Variants in GUCY1A2 observed in about 807,000 individuals in gnomAD.
GUCY1A2 encodes guanylate cyclase soluble subunit alpha-2.
Under a neutral mutation model 63.5 loss-of-function variants are expected in GUCY1A2, and 27 were observed. That is an observed-to-expected ratio of 0.43 (90% confidence interval 0.31 to 0.59). The LOEUF is 0.59. Among genes scored for constraint, GUCY1A2 ranks in the 20% least tolerant of loss-of-function variants. GUCY1A2 has a pLI of 0.11. For missense variants in GUCY1A2, 768 were observed against 913.3 expected (o/e 0.84, Z 2.05); for synonymous variants, 364 against 343.5 (o/e 1.06, Z -0.66).
In GUCY1A2 at chr11:107,017,761, C is replaced by T; in HGVS notation, c.295G>A (p.Ala99Thr). The change falls in exon 1 of 8, where the codon GCG (alanine) becomes ACG (threonine). Residue 99 changes from alanine (A) to threonine (T), a missense_variant. By Grantham distance (58) the Ala-to-Thr change is moderately conservative. Around this residue, in one of 3 missense-constraint regions of GUCY1A2, gnomAD observed 496 missense variants for 486.9 expected, o/e 1.02. Transcript: ENST00000526355. ...SLGESISRLT[A>T]PSPQTIQQTL... Reference sequence around the variant, plus strand: ...TTCCGCCCCCCGCTCACCGAGGGCGCCGTCAGGCGGCTGATGCTCTCGCCC... The same window carrying T: ...TTCCGCCCCCCGCTCACCGAGGGCGTCGTCAGGCGGCTGATGCTCTCGCCC... The T allele has an allele frequency of 7.1e-7, 1 of 1,414,988 alleles. No homozygotes were observed. 87.7% of individuals were successfully genotyped at this position (1,414,988 alleles called of 1,614,324 possible). A position where few individuals can be genotyped will look rare whatever the true frequency, so the allele number is the denominator to read the frequency against.
intron 6 of GUCY1A2, among the ~76,000 whole-genome samples, chr11:106,713,084 G>A (rs1863149772): frequency 6.6e-6 from 1 of 152,108 alleles, no homozygotes. Context: ...GGTATCTCCT[G>A]GTTTGCCCCT....
At chr11:106,877,072 G>T (rs1213697629) in intron 4 of GUCY1A2, among the ~76,000 whole-genome samples, 1 of 152,046 alleles carries the variant, frequency 6.6e-6, no homozygotes, top group East Asian at 1.9e-4. Context: ...GTAAGCAAAG[G>T]ACACAAGCAG....
intron 1 of GUCY1A2, among the ~76,000 whole-genome samples, chr11:107,015,813 C>T (rs1056262112): frequency 5.9e-5 from 9 of 152,004 alleles, no homozygotes; most frequent in African/African-American, 1.4e-4. Flanking sequence ...TATAAAATTA[C>T]GCTGCCTGGG....
intron 7 of GUCY1A2, among the ~76,000 whole-genome samples, chr11:106,693,836 A>ATTAATCATC (rs770733956): frequency 8.2e-4 from 125 of 152,144 alleles, no homozygotes; most frequent in Non-Finnish European, 1.6e-3. Flanking sequence ...CTATGAGAAT[A>ATTAATCATC]TTAATCATCT....
At chr11:106,771,362 C>A (rs1404801534) in intron 6 of GUCY1A2, among the ~76,000 whole-genome samples, 1 of 152,190 alleles carries the variant, frequency 6.6e-6, no homozygotes, top group African/African-American at 2.4e-5. Context: ...TAAAGTAATA[C>A]ATTTCTCTGG....
chr11:106,828,331 G>C (rs1182580743), intron 4 of GUCY1A2, among the ~76,000 whole-genome samples: 2 of 151,768 alleles, frequency 1.3e-5, no homozygotes, highest in African/African-American at 4.8e-5. Context: ...ATAGTTGCAA[G>C]TATTATGTTT....
chr11:106,716,457 G>A (rs1863215035), intron 6 of GUCY1A2, among the ~76,000 whole-genome samples: 1 of 152,028 alleles, frequency 6.6e-6, no homozygotes, highest in Non-Finnish European at 1.5e-5. Flanking sequence ...ACTACTTAAC[G>A]GTGGTAGAAA....
chr11:106,936,705 T>G, intron 4 of GUCY1A2: 2 of 1,497,994 alleles, frequency 1.3e-6, no homozygotes, highest in Middle Eastern at 3.4e-4. Context: ...CTCGGTGACA[T>G]GCTTGCTCTT....
chr11:106,694,301 G>T (rs1862677681), intron 7 of GUCY1A2, among the ~76,000 whole-genome samples: 1 of 152,090 alleles, frequency 6.6e-6, no homozygotes, highest in Non-Finnish European at 1.5e-5. Flanking sequence ...CAATGTCTCA[G>T]GAGAACAAAC....
rs1409740627 is a variant in GUCY1A2 at position 106,677,343 on chromosome 11, G to A, written c.*10206C>T. ...CACATTCATCAAGAATTTTATTCATGAACACCAAACTCAACTGATTCAAGC... is the reference window on the plus strand; with the variant it reads ...CACATTCATCAAGAATTTTATTCATAAACACCAAACTCAACTGATTCAAGC... On this transcript the variant is annotated 3_prime_UTR_variant, in exon 8 of 8. Transcript: ENST00000526355. 2 of 214,150 alleles carry A rather than the reference G, an allele frequency of 9.3e-6. No individual in the cohort carries two copies. The highest frequency in any genetic ancestry group is 1.9e-5 in the Non-Finnish European group (2 of 105,850). 13.3% of individuals were successfully genotyped at this position (214,150 alleles called of 1,614,324 possible). A position where few individuals can be genotyped will look rare whatever the true frequency, so the allele number is the denominator to read the frequency against.
At chr11:107,008,821 A>T (rs1257126836) in intron 1 of GUCY1A2, among the ~76,000 whole-genome samples, 1 of 152,190 alleles carries the variant, frequency 6.6e-6, no homozygotes, top group Non-Finnish European at 1.5e-5. Context: ...CAGTCAGAAA[A>T]ACCATCCTCT....
At chr11:106,796,764 C>A (rs1404782337) in intron 5 of GUCY1A2, among the ~76,000 whole-genome samples, 2 of 152,044 alleles carry the variant, frequency 1.3e-5, no homozygotes, top group African/African-American at 4.8e-5. Flanking sequence ...TGGAGTTGCT[C>A]TTCTCAAGGA....
chr11:107,005,782 G>C (rs1861663134), intron 1 of GUCY1A2, among the ~76,000 whole-genome samples: 1 of 152,130 alleles, frequency 6.6e-6, no homozygotes, highest in Admixed American at 6.6e-5. Flanking sequence ...TTCTGAAAGA[G>C]AACATCTTTT....
chr11:106,699,764 A>C (rs556131290), intron 7 of GUCY1A2, among the ~76,000 whole-genome samples: 1 of 152,254 alleles, frequency 6.6e-6, no homozygotes, highest in South Asian at 2.1e-4. Flanking sequence ...ATCATAAAGA[A>C]AAATATGTCT....
At chr11:106,709,316 TTTATATATATTATATAAATA>T (rs1403523132) in intron 6 of GUCY1A2, among the ~76,000 whole-genome samples, 3 of 63,200 alleles carry the variant, frequency 4.7e-5, no homozygotes, top group African/African-American at 2.7e-4. Context: ...TTTATATATA[TTTATATATATTATATAAATA>T]TATATAAATT....
intron 1 of GUCY1A2, among the ~76,000 whole-genome samples, chr11:107,014,149 C>T (rs1177565754): frequency 4.0e-5 from 5 of 123,992 alleles, no homozygotes; most frequent in African/African-American, 9.4e-5. Flanking sequence ...AATGCAGTGG[C>T]GCAATCTCGG....
At chr11:106,775,587 C>T (rs1413619700) in intron 6 of GUCY1A2, among the ~76,000 whole-genome samples, 1 of 151,538 alleles carries the variant, frequency 6.6e-6, no homozygotes, top group Non-Finnish European at 1.5e-5. Context: ...ATATATTTAA[C>T]CCAATATTTT....
At chr11:106,724,823 T>G (rs1863376846) in intron 6 of GUCY1A2, among the ~76,000 whole-genome samples, 1 of 152,134 alleles carries the variant, frequency 6.6e-6, no homozygotes, top group Non-Finnish European at 1.5e-5. Context: ...GCACTTAGAG[T>G]GTGCAACACT....
intron 4 of GUCY1A2, among the ~76,000 whole-genome samples, chr11:106,923,333 C>T (rs1860475240): frequency 6.6e-6 from 1 of 152,178 alleles, no homozygotes; most frequent in African/African-American, 2.4e-5. Flanking sequence ...AGATCGCTCG[C>T]TTAGCAAACA....
Sources: allele counts gnomAD v4.1 joint callset (sites outside exome capture counted in the v4.1 genomes callset), GRCh38; gene constraint gnomAD v4.1.1; regional missense constraint gnomAD v4.1.1; transcripts MANE v1.5; gene names NCBI Gene and HGNC (gene_info 2026-07-23, HGNC 2026-07-21).